CTNNA3: variants seen among roughly 807,000 people sequenced by gnomAD.
CTNNA3 encodes catenin alpha 3.
In CTNNA3, 76 loss-of-function variants were observed where a neutral mutation model predicts 95.7. The ratio of observed to expected loss-of-function variants is 0.79; its 90% CI spans 0.66 to 0.96. CTNNA3 has a LOEUF of 0.96. Ranked by LOEUF, CTNNA3 falls within the 40% of genes least tolerant of loss-of-function variation. The probability of loss-of-function intolerance (pLI) is 0.00; values close to 1 mark genes in which losing one functional copy is unlikely to be tolerated. For missense variants in CTNNA3, 1,191 were observed against 1,089.8 expected (o/e 1.09, Z -1.31); for synonymous variants, 431 against 374.4 (o/e 1.15, Z -1.74).
intron 12 of CTNNA3, among the ~76,000 whole-genome samples, chr10:66,318,520 C>T (rs1484983235): frequency 3.3e-5 from 5 of 151,866 alleles, no homozygotes; most frequent in Non-Finnish European, 5.9e-5. Context: ...TCTCTGTGCA[C>T]GCCAAGCTTC....
intron 7 of CTNNA3, among the ~76,000 whole-genome samples, chr10:66,879,023 A>T (rs1002861622): frequency 6.6e-6 from 1 of 152,108 alleles, no homozygotes; most frequent in Non-Finnish European, 1.5e-5. Context: ...TCATTTCATC[A>T]TCTCAACAAT....
chr10:66,824,269 G>T (rs1842415077), intron 7 of CTNNA3, among the ~76,000 whole-genome samples: 1 of 152,106 alleles, frequency 6.6e-6, no homozygotes, highest in Non-Finnish European at 1.5e-5. Context: ...TGATATAGCA[G>T]CTAGAAACTT....
intron 5 of CTNNA3, among the ~76,000 whole-genome samples, chr10:67,467,100 T>C (rs949906694): frequency 2.6e-5 from 4 of 151,964 alleles, no homozygotes; most frequent in African/African-American, 9.7e-5. Context: ...ATCACACCAC[T>C]GCACTTCAGC....
intron 13 of CTNNA3, among the ~76,000 whole-genome samples, chr10:66,212,824 C>T (rs55932869): frequency 4.4e-4 from 67 of 152,170 alleles, no homozygotes; most frequent in African/African-American, 1.5e-3. Flanking sequence ...GCCAACATGG[C>T]GAAACCCCAT....
chr10:66,729,639 G>T (rs79005246), intron 9 of CTNNA3, among the ~76,000 whole-genome samples: 1 of 152,110 alleles, frequency 6.6e-6, no homozygotes, highest in African/African-American at 2.4e-5. Context: ...GGGGACTCAG[G>T]GGAAAGGGTG....
chr10:66,436,987 C>A lies in CTNNA3; in HGVS notation c.1532-57635G>T, dbSNP rs772442223. Among the ~76,000 whole-genome samples, 90 of 152,208 alleles carry A rather than the reference C, an allele frequency of 5.9e-4. No homozygotes were observed. The Middle Eastern group carries it at 0.014, about 23-fold the overall frequency. On this transcript the variant is annotated intron_variant, in intron 11 of 17. Coordinates refer to ENST00000433211, the MANE Select transcript of CTNNA3 (RefSeq NM_013266.4). ...GATAAAAAATTTTGGGTTGAAAATTCTTTTCTTTAAGAATGTTGAATATCA... is the reference window on the plus strand; with the variant it reads ...GATAAAAAATTTTGGGTTGAAAATTATTTTCTTTAAGAATGTTGAATATCA...
intron 13 of CTNNA3, among the ~76,000 whole-genome samples, chr10:66,210,073 G>C (rs991556874): frequency 6.6e-6 from 1 of 151,734 alleles, no homozygotes; most frequent in Non-Finnish European, 1.5e-5. Context: ...AAAATGCATC[G>C]AACACACATA....
chr10:67,343,825 T>C (rs982821651), intron 5 of CTNNA3, among the ~76,000 whole-genome samples: 1 of 151,550 alleles, frequency 6.6e-6, no homozygotes, highest in Admixed American at 6.6e-5. Context: ...TCTTTGTGTG[T>C]TCCAGATCTT....
Position 65,914,705 on chromosome 10 carries a change from G to A in CTNNA3, c.*5625C>T, listed in dbSNP as rs1589124319. 1 of 152,124 alleles carries A rather than the reference G, an allele frequency of 6.6e-6. No homozygotes were observed. The highest frequency in any genetic ancestry group is 6.6e-5 in the Admixed American group (1 of 15,264). The allele number at this position is 152,124 out of a possible 1,614,324, so 9.4% of individuals were successfully genotyped here. A position where few individuals can be genotyped will look rare whatever the true frequency, so the allele number is the denominator to read the frequency against. On this transcript the variant is annotated 3_prime_UTR_variant, in exon 18 of 18. Coordinates refer to ENST00000433211, the MANE Select transcript of CTNNA3 (RefSeq NM_013266.4). ...CAAATGGTATTAACCAACCAATACT[G>A]AAGATGGGCTGAAACAGGCATTTCA... is the stretch of plus-strand genomic sequence containing the variant.
chr10:65,933,965 A>G (rs183261228), intron 17 of CTNNA3, among the ~76,000 whole-genome samples: 28 of 152,270 alleles, frequency 1.8e-4, no homozygotes, highest in African/African-American at 6.3e-4. Flanking sequence ...GAGAATGCTC[A>G]GTCTCTTACT....
At chr10:66,815,050 C>A (rs1309788372) in intron 7 of CTNNA3, among the ~76,000 whole-genome samples, 1 of 151,740 alleles carries the variant, frequency 6.6e-6, no homozygotes, top group Non-Finnish European at 1.5e-5. Context: ...CGGGGTTTCA[C>A]CGTATTCGCC....
At chr10:67,202,555 C>A (rs531357324) in intron 6 of CTNNA3, among the ~76,000 whole-genome samples, 2 of 152,012 alleles carry the variant, frequency 1.3e-5, no homozygotes, top group African/African-American at 4.8e-5. Flanking sequence ...TTCGCAAGAC[C>A]AAACTAATAA....
chr10:66,700,249 G>A (rs1342694443), intron 9 of CTNNA3, among the ~76,000 whole-genome samples: 1 of 152,024 alleles, frequency 6.6e-6, no homozygotes, highest in Non-Finnish European at 1.5e-5. Flanking sequence ...TTTTCTTCCA[G>A]TAGTTTTAGA....
At chr10:67,727,014 A>G (rs1420684117) in intron 1 of CTNNA3, among the ~76,000 whole-genome samples, 2 of 115,540 alleles carry the variant, frequency 1.7e-5, no homozygotes, top group Non-Finnish European at 3.2e-5. Context: ...TATGATACAT[A>G]TATGATATAA....
chr10:66,360,599 C>CTTTCTT (rs1564895727), intron 12 of CTNNA3, among the ~76,000 whole-genome samples: 6,376 of 46,522 alleles, frequency 0.14, 850 homozygotes, highest in Middle Eastern at 0.21. Context: ...TTCTTTCCTT[C>CTTTCTT]TTTCTTTCTT....
intron 11 of CTNNA3, among the ~76,000 whole-genome samples, chr10:66,406,638 T>TA (rs1341351564): frequency 1.2e-4 from 18 of 152,138 alleles, no homozygotes; most frequent in Non-Finnish European, 2.4e-4. Flanking sequence ...ATTAGTATCA[T>TA]TACCTTCATT....
chr10:67,153,914 G>C (rs1453607957), intron 7 of CTNNA3, among the ~76,000 whole-genome samples: 1 of 151,872 alleles, frequency 6.6e-6, no homozygotes, highest in Non-Finnish European at 1.5e-5. Flanking sequence ...CAATGTAAAA[G>C]TATTCAAGGA....
intron 13 of CTNNA3, among the ~76,000 whole-genome samples, chr10:66,253,929 T>C (rs2090658485): frequency 1.3e-5 from 2 of 152,200 alleles, no homozygotes; most frequent in African/African-American, 4.8e-5. Context: ...GATTTCAGCA[T>C]AGATGACAAA....
At chr10:66,481,632 C>A (rs1007535969) in intron 11 of CTNNA3, among the ~76,000 whole-genome samples, 2 of 147,424 alleles carry the variant, frequency 1.4e-5, no homozygotes, top group South Asian at 2.2e-4. Flanking sequence ...CCACCACGCC[C>A]GGCTAATTTT....
Sources: allele counts gnomAD v4.1 joint callset (sites outside exome capture counted in the v4.1 genomes callset), GRCh38; gene constraint gnomAD v4.1.1; transcripts MANE v1.5; gene names NCBI Gene and HGNC (gene_info 2026-07-23, HGNC 2026-07-21).